Variants in USP34 observed in about 807,000 individuals in gnomAD.
USP34 encodes the protein ubiquitin specific peptidase 34, also known as ubiquitin carboxyl-terminal hydrolase 34.
A neutral mutation model predicts 460.3 loss-of-function variants in USP34; 70 were observed. The ratio of observed to expected loss-of-function variants is 0.15; its 90% CI spans 0.13 to 0.19. The LOEUF is 0.19. Among genes scored for constraint, USP34 ranks in the 10% least tolerant of loss-of-function variants. The pLI is 1.00. For synonymous variants in USP34, 1,647 were observed against 1,405.3 expected (o/e 1.17, Z -3.85); for missense variants, 3,985 against 4,236.2 (o/e 0.94, Z 1.65).
Position 61,204,153 on chromosome 2 carries a change from C to T in USP34, c.9384+103G>A. ...ATGAATCTAATCTTCTTAGGATCCACAAAATTGGTCACTTAAGTCTAACCT... is the reference window on the plus strand; with the variant it reads ...ATGAATCTAATCTTCTTAGGATCCATAAAATTGGTCACTTAAGTCTAACCT... On this transcript the variant is annotated intron_variant, in intron 74 of 79. Transcript: ENST00000398571. 3 of 1,460,338 alleles carry T rather than the reference C, an allele frequency of 2.1e-6. No individual in the cohort carries two copies. In the South Asian group the frequency reaches 3.9e-5, roughly 19 times the overall value. 90.5% of individuals were successfully genotyped at this position (1,460,338 alleles called of 1,614,324 possible). A position where few individuals can be genotyped will look rare whatever the true frequency, so the allele number is the denominator to read the frequency against.
At chr2:61,329,314 C>T (rs1691190931) in intron 20 of USP34, among the ~76,000 whole-genome samples, 1 of 152,066 alleles carries the variant, frequency 6.6e-6, no homozygotes, top group Non-Finnish European at 1.5e-5. Flanking sequence ...CCATGAGCCA[C>T]CATGCCTGGT....
chr2:61,214,493 G>A lies in USP34; in HGVS notation c.8249C>T (p.Thr2750Ile). Residue 2750 changes from threonine to isoleucine, a missense_variant, in exon 68 of 80, where the codon ACA becomes ATA. This residue lies in a region of USP34 where 604 missense variants were observed against 684.8 expected (regional missense o/e 0.88). Transcript: ENST00000398571. ...AAAGCTAAAATAGGGCACTAGCTTT[G>A]TAGTGCCATGAACAGCAGCATCAAC... ...LYVDAAVHGT[T>I]KLVPYFSFMT... 6.2e-7 allele frequency: 1 copy of A among 1,613,842 alleles called. No individual in the cohort carries two copies. Among genetic ancestry groups the A allele is most frequent in the Non-Finnish European group, 8.5e-7 (1 of 1,179,896 alleles).
chr2:61,363,918 A>G (rs1055213663), intron 10 of USP34, among the ~76,000 whole-genome samples: 2 of 152,256 alleles, frequency 1.3e-5, no homozygotes, highest in African/African-American at 4.8e-5. Context: ...CACTATCTGT[A>G]CGCAAAACAT....
chr2:61,456,707 T>C (rs573029987), intron 1 of USP34, among the ~76,000 whole-genome samples: 2 of 151,762 alleles, frequency 1.3e-5, no homozygotes, highest in East Asian at 3.9e-4. Context: ...AATCCCAACA[T>C]TTTGGGAGGC....
chr2:61,251,091 T>C (rs944953862), intron 48 of USP34, among the ~76,000 whole-genome samples: 15 of 152,170 alleles, frequency 9.9e-5, no homozygotes, highest in Non-Finnish European at 1.9e-4. Context: ...TGAGCCAAGA[T>C]TGTGCCACTG....
intron 10 of USP34, among the ~76,000 whole-genome samples, chr2:61,367,928 C>A (rs947656335): frequency 6.6e-6 from 1 of 151,910 alleles, no homozygotes; most frequent in African/African-American, 2.4e-5. Context: ...AAAGTTATAA[C>A]AATAATGAGG....
intron 27 of USP34, among the ~76,000 whole-genome samples, chr2:61,309,090 C>T (rs186139987): frequency 3.9e-5 from 6 of 152,078 alleles, no homozygotes; most frequent in Admixed American, 6.6e-5. Context: ...TAAAAAGTAT[C>T]GGAATTCAGA....
intron 5 of USP34, among the ~76,000 whole-genome samples, chr2:61,392,421 C>T (rs1028993054): frequency 1.3e-5 from 2 of 152,018 alleles, no homozygotes; most frequent in Non-Finnish European, 2.9e-5. Flanking sequence ...GTCAGGAGTT[C>T]GAGACCAGCC....
rs753831933 is a variant in USP34, at chr2:61,259,767, C to A, written c.5788G>T (p.Asp1930Tyr). The change falls in exon 44 of 80, where the codon GAT becomes TAT. Residue 1930 changes from aspartate to tyrosine, a missense_variant. Asp to Tyr is a radical substitution (Grantham distance 160, BLOSUM62 -3). Around this residue, in one of 14 missense-constraint regions of USP34, gnomAD observed 145 missense variants for 291.6 expected, o/e 0.50. Coordinates refer to ENST00000398571, the MANE Select transcript of USP34 (RefSeq NM_014709.4). ...QAVFTAKYSE[D>Y]MKHKTTLLEL... Reference sequence around the variant, plus strand: ...AGAAGAGTGGTCTTGTGCTTCATATCCTCTGAATACTGAAAATCAAGAGAA... The same window carrying A: ...AGAAGAGTGGTCTTGTGCTTCATATACTCTGAATACTGAAAATCAAGAGAA... 1.9e-6 allele frequency: 3 copies of A among 1,612,690 alleles called. No homozygotes were observed. The highest frequency in any genetic ancestry group is 2.5e-6 in the Non-Finnish European group (3 of 1,179,766).
intron 27 of USP34, 23 bp downstream of exon 27, chr2:61,311,517 A>T: frequency 6.5e-7 from 1 of 1,544,610 alleles, no homozygotes; most frequent in Non-Finnish European, 8.7e-7. Context: ...AGAGAAAGAG[A>T]AAATTTGAAT....
intron 2 of USP34, among the ~76,000 whole-genome samples, chr2:61,413,775 C>T (rs1322762126): frequency 6.9e-6 from 1 of 144,824 alleles, no homozygotes; most frequent in Non-Finnish European, 1.5e-5. Flanking sequence ...CTCAGGAGCT[C>T]GAGCCCAGCC....
At chr2:61,259,246 A>G (rs1456589735) in intron 44 of USP34, among the ~76,000 whole-genome samples, 2 of 152,092 alleles carry the variant, frequency 1.3e-5, no homozygotes, top group Admixed American at 1.3e-4. Flanking sequence ...GTAACAGAGC[A>G]AGACTCTGTC....
At chr2:61,285,316 T>G (rs1297308570) in intron 34 of USP34, among the ~76,000 whole-genome samples, 5 of 151,938 alleles carry the variant, frequency 3.3e-5, no homozygotes, top group African/African-American at 1.2e-4. Context: ...GGTAAAACTC[T>G]GTTTCCACTA....
intron 2 of USP34, among the ~76,000 whole-genome samples, chr2:61,407,855 C>T (rs569992669): frequency 1.3e-5 from 2 of 152,310 alleles, no homozygotes; most frequent in South Asian, 4.1e-4. Context: ...TGGCTCATGC[C>T]TGTAATCCCA....
chr2:61,327,248 G>T (rs1240592625), intron 20 of USP34, among the ~76,000 whole-genome samples: 2 of 151,954 alleles, frequency 1.3e-5, no homozygotes, highest in African/African-American at 4.8e-5. Flanking sequence ...TGCTCTTTAG[G>T]GTCTCTTATT....
At chr2:61,403,312 T>C (rs1376727108) in intron 3 of USP34, among the ~76,000 whole-genome samples, 1 of 152,138 alleles carries the variant, frequency 6.6e-6, no homozygotes, top group African/African-American at 2.4e-5. Context: ...AAGTTTATTT[T>C]AGAAGCAGCA....
intron 70 of USP34, chr2:61,208,158 C>G (rs1182664177): frequency 2.0e-5 from 3 of 152,186 alleles, no homozygotes; most frequent in African/African-American, 4.8e-5. Context: ...GCAAATCGGC[C>G]TCTCATACTA....
chr2:61,307,417 A>G (rs1231798062), intron 27 of USP34, among the ~76,000 whole-genome samples: 1 of 152,126 alleles, frequency 6.6e-6, no homozygotes, highest in Non-Finnish European at 1.5e-5. Context: ...ATACATTTGT[A>G]ACAAACCTGC....
intron 77 of USP34, 21 bp downstream of exon 77, chr2:61,190,497 A>C: frequency 6.2e-7 from 1 of 1,608,656 alleles, no homozygotes; most frequent in Non-Finnish European, 8.5e-7. Context: ...TGACACACTG[A>C]GTTTCCAAAG....
Sources: allele counts gnomAD v4.1 joint callset (sites outside exome capture counted in the v4.1 genomes callset), GRCh38; gene constraint gnomAD v4.1.1; regional missense constraint gnomAD v4.1.1; transcripts MANE v1.5; gene names NCBI Gene and HGNC (gene_info 2026-07-23, HGNC 2026-07-21).